CSMD1: variants seen among roughly 807,000 people sequenced by gnomAD.
CSMD1 encodes the protein CUB and Sushi multiple domains 1.
CSMD1 carries 213 observed loss-of-function variants against 417.5 expected under a neutral mutation model. That is an observed-to-expected ratio of 0.51 (90% CI 0.46 to 0.57). The LOEUF (loss-of-function observed/expected upper bound fraction) is 0.57, where lower values mean the gene tolerates loss of function less well. Ranked by LOEUF, CSMD1 falls within the 20% of genes least tolerant of loss-of-function variation. CSMD1 has a pLI of 0.00. For synonymous variants in CSMD1, 2,862 were observed against 1,736.8 expected (o/e 1.65, Z -16.11); for missense variants, 6,923 against 4,529.7 (o/e 1.53, Z -15.17).
At chr8:4,994,137 G>C (rs917535831) in intron 1 of CSMD1, among the ~76,000 whole-genome samples, 195 bp downstream of exon 1, 1 of 152,158 alleles carries the variant, frequency 6.6e-6, no homozygotes, top group African/African-American at 2.4e-5. Context: ...GGTGGGGCGG[G>C]GGCCCAGGAG....
chr8:4,023,592 T>TC (rs1336682649), intron 4 of CSMD1, among the ~76,000 whole-genome samples: 2 of 150,544 alleles, frequency 1.3e-5, no homozygotes, highest in East Asian at 4.0e-4. Flanking sequence ...ACTTTTTTTT[T>TC]TTTTTTTTTC....
intron 1 of CSMD1, among the ~76,000 whole-genome samples, chr8:4,787,000 G>A (rs1377472161): frequency 2.0e-5 from 3 of 152,300 alleles, no homozygotes; most frequent in Middle Eastern, 3.4e-3. Context: ...GAGAGACCCC[G>A]TGTGTGTGGC....
chr8:3,988,820 C>T (rs2130261934), intron 5 of CSMD1, among the ~76,000 whole-genome samples: 1 of 152,256 alleles, frequency 6.6e-6, no homozygotes, highest in East Asian at 1.9e-4. Context: ...AAGGAAGGGT[C>T]ATCATTTAGG....
At chr8:4,076,921 G>A (rs1280746713) in intron 3 of CSMD1, among the ~76,000 whole-genome samples, 2 of 151,874 alleles carry the variant, frequency 1.3e-5, no homozygotes, top group African/African-American at 2.4e-5. Context: ...ACTATAACAT[G>A]GATATCAGTA....
intron 1 of CSMD1, among the ~76,000 whole-genome samples, chr8:4,858,505 T>C (rs1293208946): frequency 6.6e-5 from 10 of 151,682 alleles, no homozygotes; most frequent in Non-Finnish European, 4.4e-5. Flanking sequence ...TGATTGTATA[T>C]CCAGAAAACC....
chr8:4,668,506 G>C (rs1805092607), intron 1 of CSMD1, among the ~76,000 whole-genome samples: 2 of 150,432 alleles, frequency 1.3e-5, no homozygotes, highest in African/African-American at 4.9e-5. Flanking sequence ...CTGGAGTGCA[G>C]TGGCACGATC....
At chr8:4,160,278 G>C (rs148748116) in intron 3 of CSMD1, among the ~76,000 whole-genome samples, 3 of 152,032 alleles carry the variant, frequency 2.0e-5, no homozygotes, top group African/African-American at 4.8e-5. Context: ...CTGATTCTTG[G>C]AAAGTACTGA....
At chr8:3,662,359 T>C (rs1364603439) in intron 7 of CSMD1, among the ~76,000 whole-genome samples, 1 of 152,200 alleles carries the variant, frequency 6.6e-6, no homozygotes, top group African/African-American at 2.4e-5. Context: ...TCCCCACTCC[T>C]CCTCTCCTTT....
At chr8:4,566,370 T>C (rs1406357939) in intron 2 of CSMD1, among the ~76,000 whole-genome samples, 4 of 152,160 alleles carry the variant, frequency 2.6e-5, no homozygotes, top group East Asian at 3.9e-4. Context: ...AGAAATTTAG[T>C]TGGCCGGGCG....
chr8:4,085,637 A>G (rs1192334377), intron 3 of CSMD1, among the ~76,000 whole-genome samples: 1 of 152,212 alleles, frequency 6.6e-6, no homozygotes, highest in Non-Finnish European at 1.5e-5. Flanking sequence ...GCTAAGTGAA[A>G]AAAACCAGCC....
intron 52 of CSMD1, among the ~76,000 whole-genome samples, chr8:3,012,140 A>C (rs1808436673): frequency 1.3e-5 from 2 of 152,276 alleles, no homozygotes; most frequent in African/African-American, 4.8e-5. Context: ...ATTTTATACT[A>C]ATGTACTCGG....
chr8:3,627,736 G>A (rs1327847742), intron 7 of CSMD1, among the ~76,000 whole-genome samples: 2 of 152,172 alleles, frequency 1.3e-5, no homozygotes, highest in Non-Finnish European at 2.9e-5. Flanking sequence ...ATCTTTAGGA[G>A]GGAATTATTA....
intron 5 of CSMD1, among the ~76,000 whole-genome samples, chr8:3,788,449 G>C (rs916563406): frequency 1.1e-4 from 17 of 152,274 alleles, no homozygotes; most frequent in Non-Finnish European, 5.9e-5. Context: ...GCTGAGATAA[G>C]AGGCAGAAAT....
intron 25 of CSMD1, among the ~76,000 whole-genome samples, chr8:3,303,656 T>A (rs886635330): frequency 6.6e-6 from 1 of 152,214 alleles, no homozygotes; most frequent in Non-Finnish European, 1.5e-5. Flanking sequence ...AGTGTACACA[T>A]ATGGTTATGT....
chr8:4,737,410 G>A (rs940998926), intron 1 of CSMD1, among the ~76,000 whole-genome samples: 1 of 152,044 alleles, frequency 6.6e-6, no homozygotes, highest in African/African-American at 2.4e-5. Flanking sequence ...ATATCTGGGT[G>A]ATGAGATAAT....
chr8:3,429,174 A>G (rs568881597), intron 12 of CSMD1, among the ~76,000 whole-genome samples: 3 of 152,138 alleles, frequency 2.0e-5, no homozygotes, highest in African/African-American at 7.2e-5. Context: ...AAATAGCTAG[A>G]AGAGAGGATT....
At chr8:4,498,484 T>C (rs1802088887) in intron 2 of CSMD1, among the ~76,000 whole-genome samples, 1 of 152,360 alleles carries the variant, frequency 6.6e-6, no homozygotes, top group Admixed American at 6.5e-5. Context: ...TTCAAACTTT[T>C]AATTTTAAAA....
chr8:4,052,905 G>A (rs186255044), intron 3 of CSMD1, among the ~76,000 whole-genome samples: 59 of 152,200 alleles, frequency 3.9e-4, no homozygotes, highest in Admixed American at 1.2e-3. Context: ...AATGCCAGAC[G>A]TACTGAACTA....
At chr8:3,039,764 C>A (rs185250628) in intron 50 of CSMD1, among the ~76,000 whole-genome samples, 4 of 152,178 alleles carry the variant, frequency 2.6e-5, no homozygotes, top group Admixed American at 6.5e-5. Flanking sequence ...AGTTACAGCA[C>A]GGCCTTAAAA....
Sources: allele counts gnomAD v4.1 joint callset (sites outside exome capture counted in the v4.1 genomes callset), GRCh38; gene constraint gnomAD v4.1.1; transcripts MANE v1.5; gene names NCBI Gene and HGNC (gene_info 2026-07-23, HGNC 2026-07-21).